CHRNA3: variants seen among roughly 807,000 people sequenced by gnomAD.
CHRNA3 encodes neuronal acetylcholine receptor subunit alpha-3.
CHRNA3 carries 34 observed loss-of-function variants against 41.9 expected under a neutral mutation model. That is an observed-to-expected ratio of 0.81 (90% CI 0.62 to 1.08). The LOEUF (loss-of-function observed/expected upper bound fraction) is 1.08, where lower values mean the gene tolerates loss of function less well. Ranked by LOEUF, CHRNA3 falls within the 50% of genes least tolerant of loss-of-function variation. The pLI is 0.00. For missense variants in CHRNA3, 542 were observed against 638.3 expected, an observed-to-expected ratio of 0.85 and a Z score of 1.63; for synonymous variants, 281 against 265.2, an observed-to-expected ratio of 1.06 and a Z score of -0.58.
At chr15:78,600,692 A>C (rs987548021) in intron 5 of CHRNA3, among the ~76,000 whole-genome samples, 1 of 152,116 alleles carries the variant, frequency 6.6e-6, no homozygotes, top group African/African-American at 2.4e-5. Context: ...AACCTGGGCA[A>C]CATGGCAAAA....
intron 5 of CHRNA3, among the ~76,000 whole-genome samples, chr15:78,600,365 G>A (rs2053178961): frequency 6.6e-6 from 1 of 152,194 alleles, no homozygotes; most frequent in South Asian, 2.1e-4. Context: ...GTGAGCCACT[G>A]CGCCTAAGCC....
At chr15:78,606,790 T>G (rs2053295278) in intron 4 of CHRNA3, among the ~76,000 whole-genome samples, 1 of 151,970 alleles carries the variant, frequency 6.6e-6, no homozygotes, top group African/African-American at 2.4e-5. Flanking sequence ...TCCCAGCTAC[T>G]TGGGAAGCTG....
At chr15:78,594,551 G>A (rs76678365), downstream of CHRNA3, 564 of 152,266 alleles carry the variant, frequency 3.7e-3, 18 homozygotes, top group East Asian at 0.067. Flanking sequence ...GGTAGCAGGC[G>A]CCTGTAGTCC....
In CHRNA3 at chr15:78,596,665, A is replaced by C; in HGVS notation, c.1457T>G (p.Val486Gly). The stretch of plus-strand genomic sequence containing the variant: ...CAATCCTGCTGTCCCTAGAATGCAC[A>C]CCAGGGTGAAAACCCACAGAAAAAT... ...DRIFLWVFTL[V>G]CILGTAGLFL... The change falls in exon 6 of 6, where the codon GTG becomes GGG. Residue 486 changes from valine to glycine, a missense_variant. Coordinates refer to ENST00000326828, the MANE Select transcript of CHRNA3 (RefSeq NM_000743.5). 1 of 1,613,374 alleles carries C rather than the reference A, an allele frequency of 6.2e-7. No individual in the cohort carries two copies. The highest frequency in any genetic ancestry group is 1.1e-5 in the South Asian group (1 of 90,886).
At chr15:78,612,494 C>T (rs1426088332) in intron 4 of CHRNA3, among the ~76,000 whole-genome samples, 1 of 106,472 alleles carries the variant, frequency 9.4e-6, no homozygotes, top group African/African-American at 4.3e-5. Context: ...ATAAATGGTG[C>T]TGGGAAAACT....
chr15:78,606,093 G>T (rs1567081441), intron 4 of CHRNA3, among the ~76,000 whole-genome samples: 1 of 151,860 alleles, frequency 6.6e-6, no homozygotes, highest in Non-Finnish European at 1.5e-5. Flanking sequence ...GGCTGAGACA[G>T]GTGGATTACC....
At chr15:78,594,488 C>A (rs1298863103), downstream of CHRNA3, 1 of 152,124 alleles carries the variant, frequency 6.6e-6, no homozygotes, top group Non-Finnish European at 1.5e-5. Context: ...ACTAGCCTGA[C>A]CAACATGGTG....
chr15:78,599,646 C>T, intron 5 of CHRNA3, among the ~76,000 whole-genome samples: 1 of 150,130 alleles, frequency 6.7e-6, no homozygotes, highest in African/African-American at 2.5e-5. Flanking sequence ...TCCTCCTCTC[C>T]TTTGTAGCCC....
At chr15:78,610,311 C>T (rs2053362491) in intron 4 of CHRNA3, among the ~76,000 whole-genome samples, 1 of 152,124 alleles carries the variant, frequency 6.6e-6, no homozygotes, top group South Asian at 2.1e-4. Context: ...CCAAAATTGA[C>T]CACATAGTTG....
Position 78,596,039 on chromosome 15 carries a change from A to G in CHRNA3, c.*565T>C. 8.2e-6 allele frequency: 8 copies of G among 978,018 alleles called. No individual in the cohort carries two copies. The highest frequency in any genetic ancestry group is 8.5e-6 in the Non-Finnish European group (7 of 823,302). The allele number at this position is 978,018 out of a possible 1,614,324, so 60.6% of individuals were successfully genotyped here. On this transcript the variant is annotated 3_prime_UTR_variant, in exon 6 of 6. Coordinates refer to ENST00000326828, the MANE Select transcript of CHRNA3 (RefSeq NM_000743.5). ...AAGACAGTTATATTAACAATGAATA[A>G]CTAGGCATGATTTCTCATGGTATAA...
chr15:78,618,549 T>G (rs2053499805), intron 3 of CHRNA3, 68 bp downstream of exon 3: 2 of 1,580,396 alleles, frequency 1.3e-6, no homozygotes, highest in Middle Eastern at 3.9e-4. Flanking sequence ...AGGCCTTTCT[T>G]GGTTCACCTA....
Position 78,596,653 on chromosome 15 carries a change from C to G in CHRNA3, c.1469G>C (p.Gly490Ala). ...LWVFTLVCIL[G>A]TAGLFLQPLM... ...GGGTTGCAGAAACAATCCTGCTGTC[C>G]CTAGAATGCACACCAGGGTGAAAAC... Residue 490 changes from glycine to alanine, a missense_variant, in exon 6 of 6, where the codon GGG becomes GCG. Transcript: ENST00000326828. The G allele has an allele frequency of 6.2e-7, 1 of 1,612,768 alleles. No individual in the cohort carries two copies. Among genetic ancestry groups the G allele is most frequent in the Non-Finnish European group, 8.5e-7 (1 of 1,179,824 alleles).
At chr15:78,603,571 T>C (rs1427990961) in intron 4 of CHRNA3, among the ~76,000 whole-genome samples, 1 of 152,228 alleles carries the variant, frequency 6.6e-6, no homozygotes, top group Admixed American at 6.5e-5. Context: ...CATACTCCTT[T>C]GCCTTGTAAA....
chr15:78,599,009 T>C (rs541555476), intron 5 of CHRNA3, among the ~76,000 whole-genome samples: 102 of 151,158 alleles, frequency 6.7e-4, no homozygotes, highest in African/African-American at 2.4e-3. Flanking sequence ...GGTTAATTTA[T>C]TGTATTTTTA....
At chr15:78,620,546 C>A (rs1229784315) in intron 1 of CHRNA3, among the ~76,000 whole-genome samples, 167 bp downstream of exon 1, 1 of 152,234 alleles carries the variant, frequency 6.6e-6, no homozygotes. Context: ...AGCCACCCCA[C>A]CCAAGTCGCC....
chr15:78,616,348 CTT>C (rs2053460523), intron 4 of CHRNA3, among the ~76,000 whole-genome samples: 2 of 135,664 alleles, frequency 1.5e-5, no homozygotes, highest in African/African-American at 5.7e-5. Context: ...AAGACTCAGT[CTT>C]CCCCCCCCCA....
At chr15:78,600,617 C>T (rs1325379353) in intron 5 of CHRNA3, among the ~76,000 whole-genome samples, 1 of 152,170 alleles carries the variant, frequency 6.6e-6, no homozygotes, top group Non-Finnish European at 1.5e-5. Context: ...TGCGGTGGCT[C>T]ATGCCTGTAG....
chr15:78,607,954 C>G (rs574259508), intron 4 of CHRNA3, among the ~76,000 whole-genome samples: 8 of 152,186 alleles, frequency 5.3e-5, no homozygotes, highest in Non-Finnish European at 1.2e-4. Flanking sequence ...CCTACACACA[C>G]GGAGTCTTGC....
At chr15:78,598,993 C>T (rs2053155116) in intron 5 of CHRNA3, among the ~76,000 whole-genome samples, 2 of 151,044 alleles carry the variant, frequency 1.3e-5, no homozygotes, top group South Asian at 2.1e-4. Context: ...GCCACCACCA[C>T]CCCCCGGTTA....
Sources: gnomAD v4.1 joint callset for allele counts (sites outside exome capture counted in the v4.1 genomes callset) on GRCh38, gnomAD v4.1.1 for gene constraint, MANE v1.5 for transcripts, NCBI Gene and HGNC (gene_info 2026-07-23, HGNC 2026-07-21) for gene names.